Variants in DIS3L2 observed in about 807,000 individuals in gnomAD.
DIS3L2 encodes the protein DIS3-like exonuclease 2.
Under a neutral mutation model 97.5 loss-of-function variants are expected in DIS3L2, and 34 were observed. That is an observed-to-expected ratio of 0.35 (90% CI 0.27 to 0.46). The LOEUF (loss-of-function observed/expected upper bound fraction) is 0.46. DIS3L2 is among the 20% of genes least tolerant of loss of function. The pLI, the probability that DIS3L2 is intolerant of heterozygous loss-of-function variation, is 1.00. For synonymous variants in DIS3L2, 435 were observed against 445.2 expected, an observed-to-expected ratio of 0.98 and a Z score of 0.29; for missense variants, 1,038 against 1,146.0, an observed-to-expected ratio of 0.91 and a Z score of 1.36.
At chr2:232,009,059 C>CT (rs1376933354) in intron 1 of DIS3L2, among the ~76,000 whole-genome samples, 3 of 152,078 alleles carry the variant, frequency 2.0e-5, no homozygotes, top group African/African-American at 4.8e-5. Context: ...CCATTTGGCT[C>CT]TTTTTTATAA....
At chr2:232,033,795 G>A (rs972399472) in intron 5 of DIS3L2, among the ~76,000 whole-genome samples, 1 of 152,184 alleles carries the variant, frequency 6.6e-6, no homozygotes, top group African/African-American at 2.4e-5. Flanking sequence ...TATTGAACCA[G>A]CCTTGCATCC....
At chr2:232,270,860 G>GTCTCTCTCTCTCTCTCTCTCTT (rs1693972406) in intron 13 of DIS3L2, among the ~76,000 whole-genome samples, 3 of 103,818 alleles carry the variant, frequency 2.9e-5, no homozygotes, top group African/African-American at 1.1e-4. Flanking sequence ...TCTTTTTCTC[G>GTCTCTCTCTCTCTCTCTCTCTT]TCTCTCTCTC....
At chr2:232,155,057 C>T (rs901376749) in intron 8 of DIS3L2, among the ~76,000 whole-genome samples, 2 of 150,352 alleles carry the variant, frequency 1.3e-5, no homozygotes, top group African/African-American at 2.5e-5. Context: ...CGCCCTGCTT[C>T]GGCTCGCGCA....
chr2:232,127,942 G>A (rs1698110840), intron 6 of DIS3L2, among the ~76,000 whole-genome samples: 3 of 151,764 alleles, frequency 2.0e-5, no homozygotes. Flanking sequence ...TTCCTTCTTA[G>A]CATTTATTAC....
chr2:232,049,393 C>T (rs926302316), intron 5 of DIS3L2, among the ~76,000 whole-genome samples: 1 of 152,092 alleles, frequency 6.6e-6, no homozygotes, highest in Non-Finnish European at 1.5e-5. Flanking sequence ...AATGCACCAG[C>T]GTTGGGAGAT....
intron 13 of DIS3L2, 109 bp from the exon 14 acceptor site, chr2:232,299,931 T>G: frequency 9.1e-7 from 1 of 1,101,740 alleles, no homozygotes; most frequent in Non-Finnish European, 1.3e-6. Context: ...CCACAACACA[T>G]TGACTTGAGG....
intron 8 of DIS3L2, among the ~76,000 whole-genome samples, chr2:232,157,216 CA>C (rs951629739): frequency 6.6e-6 from 1 of 152,168 alleles, no homozygotes; most frequent in African/African-American, 2.4e-5. Flanking sequence ...TAAAACCTTT[CA>C]ACTGTAGAGA....
intron 6 of DIS3L2, among the ~76,000 whole-genome samples, chr2:232,110,634 T>C (rs1365550584): frequency 6.6e-6 from 1 of 152,012 alleles, no homozygotes; most frequent in Non-Finnish European, 1.5e-5. Flanking sequence ...CACTTGTAAG[T>C]GGGAGCTAAA....
intron 9 of DIS3L2, among the ~76,000 whole-genome samples, chr2:232,199,009 C>A (rs1166213924): frequency 1.3e-5 from 2 of 152,108 alleles, no homozygotes; most frequent in African/African-American, 4.8e-5. Flanking sequence ...TATTTTCTGT[C>A]TCCTCCCCGT....
Position 232,277,276 on chromosome 2 carries a change from C to T in DIS3L2, c.1659+13836C>T, listed in dbSNP as rs147430734. 3.2e-3 allele frequency among the ~76,000 whole-genome samples: 487 copies of T among 152,276 alleles called. 3 individuals are homozygous for T. The highest frequency in any genetic ancestry group is 0.011 in the African/African-American group (442 of 41,568). ...GCTCTGAACATCACGCCCCAAGTCA[C>T]GCAAATGTGAGCTGCAAAGTATTTC... On this transcript the variant is annotated intron_variant, in intron 13 of 20. Transcript: ENST00000325385.
intron 1 of DIS3L2, among the ~76,000 whole-genome samples, chr2:231,989,937 C>T (rs568790128): frequency 8.2e-4 from 124 of 151,962 alleles, no homozygotes; most frequent in Admixed American, 2.2e-3. Flanking sequence ...TTTCTAAAAC[C>T]TTCCAGGGTG....
At position 232,136,522 on chromosome 2, in the gene DIS3L2, C is replaced by G. The variant is rs758109640; in HGVS notation, c.753C>G (p.Leu251=). ...ATTCTCGAGCAGCAACCGGCTTCCT[C>G]AAACTCTTGGCTGATAAGAACAGCG... ...KKHSRAATGF[L]KLLADKNSEL... is the part of the protein sequence containing the mutation. Residue 251 remains leucine, a synonymous_variant, in exon 8 of 21, where the codon CTC becomes CTG. Coordinates refer to ENST00000325385, the MANE Select transcript of DIS3L2 (RefSeq NM_152383.5). The G allele has an allele frequency of 1.2e-6, 2 of 1,613,976 alleles. No individual in the cohort carries two copies. Among genetic ancestry groups the G allele is most frequent in the African/African-American group, 2.7e-5 (2 of 74,922 alleles).
chr2:232,097,820 G>A (rs557345400), intron 6 of DIS3L2, among the ~76,000 whole-genome samples: 57 of 152,262 alleles, frequency 3.7e-4, no homozygotes, highest in Admixed American at 8.5e-4. Context: ...AGCAGATGGA[G>A]TCTCTCGCGA....
At chr2:232,224,194 C>CAT (rs1346803804) in intron 10 of DIS3L2, among the ~76,000 whole-genome samples, 1 of 152,176 alleles carries the variant, frequency 6.6e-6, no homozygotes, top group African/African-American at 2.4e-5. Flanking sequence ...AACAGACCCA[C>CAT]ATATATATAC....
At chr2:232,315,198 C>T (rs372636985) in intron 14 of DIS3L2, among the ~76,000 whole-genome samples, 4 of 152,144 alleles carry the variant, frequency 2.6e-5, no homozygotes, top group East Asian at 3.9e-4. Context: ...GTGGGGTGAG[C>T]GCCTCCAGCC....
intron 12 of DIS3L2, among the ~76,000 whole-genome samples, chr2:232,259,012 T>C (rs772832603): frequency 1.6e-4 from 24 of 152,146 alleles, no homozygotes; most frequent in Non-Finnish European, 3.1e-4. Context: ...CACTGGACTG[T>C]GTTAAGGCAT....
At chr2:232,139,539 G>A (rs533163431) in intron 8 of DIS3L2, among the ~76,000 whole-genome samples, 13 of 152,282 alleles carry the variant, frequency 8.5e-5, no homozygotes, top group African/African-American at 2.6e-4. Flanking sequence ...AATTTGCAGC[G>A]CTGTGGGACT....
chr2:232,329,785 T>TCCCCGGGGGGGGCCCCCCC, intron 14 of DIS3L2, 28 bp from the exon 15 acceptor site: 44 of 967,072 alleles, frequency 4.5e-5, no homozygotes, highest in African/African-American at 5.0e-5. Flanking sequence ...ACCCCAGCGG[T>TCCCCGGGGGGGGCCCCCCC]CCCTCCCATC....
At chr2:232,121,453 G>C (rs575788112) in intron 6 of DIS3L2, among the ~76,000 whole-genome samples, 1 of 152,066 alleles carries the variant, frequency 6.6e-6, no homozygotes, top group Non-Finnish European at 1.5e-5. Context: ...TTCATTTGCT[G>C]TCTGTACACA....
Sources: allele counts gnomAD v4.1 joint callset (sites outside exome capture counted in the v4.1 genomes callset), GRCh38; gene constraint gnomAD v4.1.1; transcripts MANE v1.5; gene names NCBI Gene and HGNC (gene_info 2026-07-23, HGNC 2026-07-21).